The following TTLL11 variants were observed in gnomAD, a reference collection of about 807,000 sequenced individuals.
TTLL11 encodes the protein tubulin polyglutamylase TTLL11.
A neutral mutation model predicts 51.7 loss-of-function variants in TTLL11; 42 were observed. That is an observed-to-expected ratio of 0.81 (90% confidence interval 0.64 to 1.05). The LOEUF (loss-of-function observed/expected upper bound fraction) is 1.05, where lower values mean the gene tolerates loss of function less well. TTLL11 is among the 50% of genes least tolerant of loss of function. TTLL11 has a pLI of 0.00. For synonymous variants in TTLL11, 381 were observed against 383.5 expected, an observed-to-expected ratio of 0.99 and a Z score of 0.08; for missense variants, 799 against 940.4, an observed-to-expected ratio of 0.85 and a Z score of 1.97.
intron 8 of TTLL11, among the ~76,000 whole-genome samples, chr9:121,828,861 A>G (rs1256871461): frequency 6.6e-6 from 1 of 152,014 alleles, no homozygotes; most frequent in Non-Finnish European, 1.5e-5. Flanking sequence ...GCACATTGGG[A>G]GGCTGAGGCA....
intron 1 of TTLL11, among the ~76,000 whole-genome samples, chr9:122,075,778 A>G (rs1304735177): frequency 2.0e-5 from 3 of 152,230 alleles, no homozygotes; most frequent in Non-Finnish European, 4.4e-5. Context: ...CTATGTTATC[A>G]TGGAAAGTAA....
chr9:121,987,720 G>C (rs1314937570), intron 4 of TTLL11, among the ~76,000 whole-genome samples: 1 of 152,152 alleles, frequency 6.6e-6, no homozygotes, highest in East Asian at 1.9e-4. Flanking sequence ...CTTCTCTCCT[G>C]ATATTTATTC....
In TTLL11 at chr9:121,989,909, C is replaced by G; in HGVS notation, c.694-139G>C. 2 of 1,468,366 alleles carry G rather than the reference C, an allele frequency of 1.4e-6. No homozygotes were observed. The highest frequency in any genetic ancestry group is 1.8e-6 in the Non-Finnish European group (2 of 1,115,612). 91.0% of individuals were successfully genotyped at this position (1,468,366 alleles called of 1,614,324 possible). A position where few individuals can be genotyped will look rare whatever the true frequency, so the allele number is the denominator to read the frequency against. On this transcript the variant is annotated intron_variant, in intron 3 of 8. Transcript: ENST00000321582. This position sits in a 1 kb window ranked among gnomAD's most constrained non-coding sequence, Gnocchi z 4.2. ...ATCTGAGCAGGGGCTGAGCATCTTC[C>G]ATGGAGATGACACTGCACAAGGTAC...
Position 122,093,305 on chromosome 9 carries a change from A to C in TTLL11, c.-157T>G. ...CGCTCAGGCTCGGGTTGACAGCGGC[A>C]GTCACCGCATCGAGACGGGGTCCGG... On this transcript the variant is annotated 5_prime_UTR_variant, in exon 1 of 9. Transcript: ENST00000321582. 22 of 1,576,520 alleles carry C rather than the reference A, an allele frequency of 1.4e-5. No individual in the cohort carries two copies. The highest frequency in any genetic ancestry group is 1.7e-5 in the Non-Finnish European group (20 of 1,169,856).
At chr9:121,899,380 T>C (rs200928988) in intron 6 of TTLL11, among the ~76,000 whole-genome samples, 1,376 of 100,114 alleles carry the variant, frequency 0.014, 16 homozygotes, top group African/African-American at 0.044. Flanking sequence ...TATATATACA[T>C]ATATATATAT....
Position 122,092,880 on chromosome 9 carries a change from G to T in TTLL11, c.269C>A (p.Pro90Gln). 2 of 1,570,394 alleles carry T rather than the reference G, an allele frequency of 1.3e-6. No homozygotes were observed. The highest frequency in any genetic ancestry group is 1.2e-5 in the South Asian group (1 of 86,330). Reference sequence around the variant, plus strand: ...GCCCTGCACCGGCTTCGGCTTGGACGGGGGCAGCGTGGGCGGCGGCCGCTG... The same window carrying T: ...GCCCTGCACCGGCTTCGGCTTGGACTGGGGCAGCGTGGGCGGCGGCCGCTG... The part of the protein sequence containing the change: ...VLQRPPPTLP[P>Q]SKPKPVQGLC... The change falls in exon 1 of 9, where the codon CCG becomes CAG. Residue 90 changes from proline (P) to glutamine (Q), a missense_variant. This residue lies in a region of TTLL11 where 166 missense variants were observed against 161.6 expected (regional missense o/e 1.03). Coordinates refer to ENST00000321582, the MANE Select transcript of TTLL11 (RefSeq NM_001139442.2).
At chr9:122,086,058 C>A (rs891170182) in intron 1 of TTLL11, among the ~76,000 whole-genome samples, 2 of 152,294 alleles carry the variant, frequency 1.3e-5, no homozygotes, top group African/African-American at 4.8e-5. Flanking sequence ...TCTGCTGATA[C>A]AAAACCAGAA....
At chr9:122,022,600 T>C (rs1442241859) in intron 3 of TTLL11, among the ~76,000 whole-genome samples, 2 of 151,898 alleles carry the variant, frequency 1.3e-5, no homozygotes, top group Admixed American at 6.6e-5. Context: ...AGAGAATTCA[T>C]CACCAAAAGA....
In TTLL11 at chr9:121,995,738, C is replaced by A. The variant is rs1224520934; in HGVS notation, c.694-5968G>T. 1.3e-5 allele frequency among the ~76,000 whole-genome samples: 2 copies of A among 152,154 alleles called. No homozygotes were observed. The highest frequency in any genetic ancestry group is 4.8e-5 in the African/African-American group (2 of 41,442). ...GCAAGCCCTCTACTGTTCATCGGAA[C>A]CAGGCCAGGTTGTCCGATATCTCCT... On this transcript the variant is annotated intron_variant, in intron 3 of 8. Transcript: ENST00000321582. This position sits in a 1 kb window ranked among gnomAD's most constrained non-coding sequence, Gnocchi z 4.4.
At chr9:121,976,348 A>G (rs1378188666) in intron 4 of TTLL11, among the ~76,000 whole-genome samples, 7 of 151,914 alleles carry the variant, frequency 4.6e-5, no homozygotes, top group Non-Finnish European at 2.9e-5. Flanking sequence ...GCCTAGAACA[A>G]CTCTTCATCT....
intron 3 of TTLL11, among the ~76,000 whole-genome samples, chr9:122,019,400 A>T (rs1844098321): frequency 6.6e-6 from 1 of 152,092 alleles, no homozygotes; most frequent in Non-Finnish European, 1.5e-5. Flanking sequence ...ACCCTCTGTG[A>T]TCTACCCTCT....
chr9:121,822,439 G>T lies in TTLL11; in HGVS notation c.*148C>A. ...GAACCAGCCAGCCTGGTGAAGCACA[G>T]CTCAGCCGCACACAGAGACAGTTCG... On this transcript the variant is annotated 3_prime_UTR_variant, in exon 9 of 9. Coordinates refer to ENST00000321582, the MANE Select transcript of TTLL11 (RefSeq NM_001139442.2). This position sits in a 1 kb window ranked among gnomAD's most constrained non-coding sequence, Gnocchi z 5.8. The T allele has an allele frequency of 2.8e-6, 2 of 716,312 alleles. No individual in the cohort carries two copies. The highest frequency in any genetic ancestry group is 4.2e-6 in the Non-Finnish European group (2 of 471,740). The allele number at this position is 716,312 out of a possible 1,614,324, so 44.4% of individuals were successfully genotyped here.
chr9:122,073,238 C>T (rs1400848792), intron 1 of TTLL11, among the ~76,000 whole-genome samples: 1 of 151,958 alleles, frequency 6.6e-6, no homozygotes, highest in African/African-American at 2.4e-5. Context: ...AGTGAAACCC[C>T]ATCTCTACTA....
chr9:122,077,696 T>A (rs901286404), intron 1 of TTLL11, among the ~76,000 whole-genome samples: 2 of 152,230 alleles, frequency 1.3e-5, no homozygotes, highest in African/African-American at 4.8e-5. Flanking sequence ...AAAATTTATA[T>A]AATGCAATTC....
At chr9:122,061,067 T>C (rs1449443364) in intron 1 of TTLL11, among the ~76,000 whole-genome samples, 2 of 152,232 alleles carry the variant, frequency 1.3e-5, no homozygotes, top group African/African-American at 4.8e-5. Flanking sequence ...TCCTGGCTTC[T>C]GGTGGATGCC....
chr9:121,873,954 CTT>C (rs1285832150), intron 6 of TTLL11, among the ~76,000 whole-genome samples: 2 of 148,206 alleles, frequency 1.3e-5, no homozygotes, highest in Admixed American at 6.9e-5. Flanking sequence ...AAGTGATTCT[CTT>C]GTCTCAGCCT....
intron 8 of TTLL11, among the ~76,000 whole-genome samples, chr9:121,826,531 G>GTGTGTGTATATATA (rs1836795953): frequency 2.5e-5 from 1 of 39,732 alleles, no homozygotes; most frequent in African/African-American, 1.3e-4. Flanking sequence ...ATATATATGT[G>GTGTGTGTATATATA]TGTGTGTATA....
At position 121,818,719 on chromosome 9, in the gene TTLL11, A is replaced by G. The variant is rs1245883763; in HGVS notation, c.*3868T>C. ...GGCCATTCCAGGCAGAGGGGCCAGC[A>G]AGACAAGGGTGGTGGGAAATAGCAC... On this transcript the variant is annotated 3_prime_UTR_variant, in exon 9 of 9. Transcript: ENST00000321582. 1 of 152,466 alleles carries G rather than the reference A, an allele frequency of 6.6e-6. No individual in the cohort carries two copies. The highest frequency in any genetic ancestry group is 1.5e-5 in the Non-Finnish European group (1 of 68,212). The allele number at this position is 152,466 out of a possible 1,614,324, so 9.4% of individuals were successfully genotyped here.
In TTLL11 at chr9:121,989,834, C is replaced by A. The variant is rs1234318250; in HGVS notation, c.694-64G>T. 1.3e-5 allele frequency: 20 copies of A among 1,526,234 alleles called. No homozygotes were observed. The highest frequency in any genetic ancestry group is 2.1e-5 in the Admixed American group (1 of 47,954). 94.5% of individuals were successfully genotyped at this position (1,526,234 alleles called of 1,614,324 possible). A position where few individuals can be genotyped will look rare whatever the true frequency, so the allele number is the denominator to read the frequency against. ...TTCCCTCTGGATCCCTAACACAGAG[C>A]AAGGCCTTAGCAAATGTGTGGTGAA... On this transcript the variant is annotated intron_variant, in intron 3 of 8. Transcript: ENST00000321582. The surrounding 1 kb of genome is among the most constrained non-coding windows in gnomAD (Gnocchi z 4.2).
Sources: gnomAD v4.1 joint callset for allele counts (sites outside exome capture counted in the v4.1 genomes callset) on GRCh38, gnomAD v4.1.1 for gene constraint, gnomAD v4.1.1 regional missense constraint, Gnocchi (gnomAD v3.1) non-coding constraint, MANE v1.5 for transcripts, NCBI Gene and HGNC (gene_info 2026-07-23, HGNC 2026-07-21) for gene names.